TTLL8: variants seen among roughly 807,000 people sequenced by gnomAD.
TTLL8 encodes protein monoglycylase TTLL8.
Under a neutral mutation model 77.8 loss-of-function variants are expected in TTLL8, and 65 were observed. That is an observed-to-expected ratio of 0.84 (90% CI 0.68 to 1.03). The LOEUF (loss-of-function observed/expected upper bound fraction) is 1.03, where lower values mean the gene tolerates loss of function less well. Among genes scored for constraint, TTLL8 ranks in the 50% least tolerant of loss-of-function variants. The pLI is 0.00. For synonymous variants in TTLL8, 402 were observed against 422.8 expected (o/e 0.95, Z 0.60); for missense variants, 910 against 1,004.5 (o/e 0.91, Z 1.27).
In TTLL8 at chr22:50,041,755, G is replaced by A; in HGVS notation, c.696C>T (p.Asp232=). The A allele has an allele frequency of 7.3e-7, 1 of 1,365,214 alleles. No individual in the cohort carries two copies. Among genetic ancestry groups the A allele is most frequent in the Non-Finnish European group, 9.8e-7 (1 of 1,021,016 alleles). 84.6% of individuals were successfully genotyped at this position (1,365,214 alleles called of 1,614,324 possible). A position where few individuals can be genotyped will look rare whatever the true frequency, so the allele number is the denominator to read the frequency against. ...AGGCCTGGCACACCTTGCACGCGAT[G>A]TCCACAAGCTGCCCCGGGAGGCCCC... Residue 232 remains aspartate, a synonymous_variant, in exon 7 of 14, where the codon GAC becomes GAT. Coordinates refer to ENST00000266182, the Ensembl canonical transcript of TTLL8. This position sits in a 1 kb window ranked among gnomAD's most constrained non-coding sequence, Gnocchi z 4.3.
At chr22:50,033,264 C>A in exon 10 of TTLL8, 1 of 1,361,030 alleles carries the variant, frequency 7.3e-7, no homozygotes, top group Non-Finnish European at 9.8e-7. Flanking sequence ...CCTTGTAGAA[C>A]CAGATGGTCA....
exon 10 of TTLL8, chr22:50,033,229 T>C (rs1272960254): frequency 7.4e-7 from 1 of 1,355,838 alleles, no homozygotes; most frequent in African/African-American, 1.5e-5. Context: ...GGAGAAGCGC[T>C]GAGTTGAGAA....
chr22:50,039,826 C>T (rs950200195), intron 8 of TTLL8, among the ~76,000 whole-genome samples: 3 of 151,364 alleles, frequency 2.0e-5, no homozygotes, highest in African/African-American at 7.3e-5. Context: ...GTGGACAGAC[C>T]TCACAGACCT....
rs76125677 is a variant in TTLL8, at chr22:50,052,027, T to C, written c.52-1780A>G. Among the ~76,000 whole-genome samples the C allele has an allele frequency of 4.9e-3, 677 of 137,364 alleles. 1 individual carries two copies. The highest frequency in any genetic ancestry group is 8.4e-3 in the Middle Eastern group (2 of 238). The allele number at this position is 137,364 out of a possible 152,430, so 90.1% of individuals were successfully genotyped here. On this transcript the variant is annotated intron_variant, in intron 1 of 13. Transcript: ENST00000266182. ...CCCTGAGTCTGAGTCCCAGCACCCA[T>C]ACGAGACATCCGGTCGGTCCCAGCA...
chr22:50,047,263 G>C (rs1003351415), exon 4 of TTLL8: 4 of 1,367,664 alleles, frequency 2.9e-6, no homozygotes, highest in South Asian at 2.3e-5. Flanking sequence ...ATGGTCCAGA[G>C]GAGGTACGGC....
At chr22:50,030,174 C>A (rs2061276187) in intron 12 of TTLL8, 2 of 985,240 alleles carry the variant, frequency 2.0e-6, no homozygotes, top group South Asian at 9.4e-5. Context: ...CCGCCAGGTT[C>A]TACAGAGGGG....
upstream of TTLL8, among the ~76,000 whole-genome samples, chr22:50,057,815 G>A (rs1435010202): frequency 6.6e-6 from 1 of 151,652 alleles, no homozygotes; most frequent in Non-Finnish European, 1.5e-5. Flanking sequence ...TTAATGAGGA[G>A]AGGTATGGGG....
At chr22:50,033,295 A>G (rs968516084) in exon 10 of TTLL8, 1 of 1,363,978 alleles carries the variant, frequency 7.3e-7, no homozygotes, top group Admixed American at 1.9e-5. Context: ...GTCCGTGACG[A>G]GGAACCACTG....
chr22:50,028,484 C>A (rs539434783), intron 12 of TTLL8, among the ~76,000 whole-genome samples: 1 of 152,252 alleles, frequency 6.6e-6, no homozygotes, highest in African/African-American at 2.4e-5. Context: ...CTTCGCCTCC[C>A]GTGGGGCAAG....
At chr22:50,045,865 C>G (rs1354589823) in exon 5 of TTLL8, 1 of 1,351,302 alleles carries the variant, frequency 7.4e-7, no homozygotes, top group Non-Finnish European at 9.8e-7. Context: ...CCCAGGAACT[C>G]CTGCTGCTCA....
chr22:50,029,497 C>T (rs375902594), intron 12 of TTLL8, among the ~76,000 whole-genome samples: 8 of 152,236 alleles, frequency 5.3e-5, no homozygotes, highest in South Asian at 2.1e-4. Flanking sequence ...ATCCCAGCAC[C>T]TTGGGAGGCT....
At chr22:50,047,585 G>A (rs1397575207) in intron 3 of TTLL8, among the ~76,000 whole-genome samples, 1 of 152,188 alleles carries the variant, frequency 6.6e-6, no homozygotes, top group Non-Finnish European at 1.5e-5. Context: ...GTGGGTGTGG[G>A]GACGTGCCAC....
chr22:50,034,325 G>A lies in TTLL8; in HGVS notation c.1039+20C>T, dbSNP rs766034884. On this transcript the variant is annotated intron_variant, in intron 9 of 13. Coordinates refer to ENST00000266182, the Ensembl canonical transcript of TTLL8. This position sits in a 1 kb window ranked among gnomAD's most constrained non-coding sequence, Gnocchi z 4.1. ...TGTGGCCGTTGGTGGCTATGAACGC[G>A]GTGCAGGGAGCATCCGCACCAGGGG... 2.0e-4 allele frequency: 270 copies of A among 1,352,108 alleles called. No individual in the cohort carries two copies. The highest frequency in any genetic ancestry group is 3.5e-4 in the Admixed American group (18 of 51,660). 83.8% of individuals were successfully genotyped at this position (1,352,108 alleles called of 1,614,324 possible).
chr22:50,039,185 TTC>T (rs2061353665), intron 8 of TTLL8, among the ~76,000 whole-genome samples: 1 of 152,244 alleles, frequency 6.6e-6, no homozygotes, highest in Admixed American at 6.5e-5. Flanking sequence ...TTAGAAAATG[TTC>T]TCTCTTTCTC....
intron 2 of TTLL8, among the ~76,000 whole-genome samples, chr22:50,049,745 G>A (rs899117325): frequency 1.3e-5 from 2 of 152,182 alleles, no homozygotes; most frequent in Non-Finnish European, 2.9e-5. Context: ...CTGTGCAGAT[G>A]TCAGCGAGGA....
At chr22:50,055,214 G>A (rs777489192), upstream of TTLL8, 60 of 1,283,772 alleles carry the variant, frequency 4.7e-5, no homozygotes, top group East Asian at 5.7e-4. Flanking sequence ...CCTCCCCACC[G>A]AGTCCCAAGG....
chr22:50,056,264 C>A (rs1323416231), upstream of TTLL8, among the ~76,000 whole-genome samples: 3 of 152,186 alleles, frequency 2.0e-5, no homozygotes, highest in Non-Finnish European at 4.4e-5. The surrounding 1 kb of genome is among the most constrained non-coding windows in gnomAD (Gnocchi z 4.1). Context: ...CGGAACCGCA[C>A]TCCGAGAAGG....
intron 12 of TTLL8, among the ~76,000 whole-genome samples, chr22:50,019,589 A>G (rs2061183455): frequency 6.6e-6 from 1 of 152,240 alleles, no homozygotes; most frequent in Non-Finnish European, 1.5e-5. Context: ...TGGAAGGTCC[A>G]CGTGGGAGGG....
rs755110454 is a variant in TTLL8 at position 50,047,156 on chromosome 22, C to T, written c.393+12G>A. 7.3e-6 allele frequency: 10 copies of T among 1,367,054 alleles called. No individual in the cohort carries two copies. The highest frequency in any genetic ancestry group is 4.3e-4 in the Middle Eastern group (2 of 4,640). The allele number at this position is 1,367,054 out of a possible 1,614,324, so 84.7% of individuals were successfully genotyped here. A position where few individuals can be genotyped will look rare whatever the true frequency, so the allele number is the denominator to read the frequency against. On this transcript the variant is annotated intron_variant, in intron 4 of 13. Transcript: ENST00000266182. Reference sequence around the variant, plus strand: ...TGCCGGCTCCCGCCACGCTCAAGCGCGGCCGGCTCACCTTGGTGGTGAAGG... The same window carrying T: ...TGCCGGCTCCCGCCACGCTCAAGCGTGGCCGGCTCACCTTGGTGGTGAAGG...
Sources: allele counts gnomAD v4.1 joint callset (sites outside exome capture counted in the v4.1 genomes callset), GRCh38; gene constraint gnomAD v4.1.1; non-coding constraint Gnocchi (gnomAD v3.1); transcripts MANE v1.5; gene names NCBI Gene and HGNC (gene_info 2026-07-23, HGNC 2026-07-21).